RNF125: variants seen among roughly 807,000 people sequenced by gnomAD.
RNF125 encodes ring finger protein 125.
In RNF125, 21 loss-of-function variants were observed where a neutral mutation model predicts 26.0. That is an observed-to-expected ratio of 0.81 (90% CI 0.57 to 1.16). The LOEUF is 1.16. RNF125 is among the 50% of genes most tolerant of loss of function. The pLI is 0.00. For synonymous variants in RNF125, 95 were observed against 109.2 expected (o/e 0.87, Z 0.81); for missense variants, 270 against 299.4 (o/e 0.90, Z 0.72).
At chr18:32,032,081 T>G (rs1355250420) in intron 1 of RNF125, among the ~76,000 whole-genome samples, 1 of 151,734 alleles carries the variant, frequency 6.6e-6, no homozygotes, top group Non-Finnish European at 1.5e-5. Context: ...TGTATTTTTG[T>G]TTTGTTTTGT....
At chr18:32,065,410 G>T (rs1233382819) in intron 4 of RNF125, among the ~76,000 whole-genome samples, 2 of 151,026 alleles carry the variant, frequency 1.3e-5, no homozygotes, top group Non-Finnish European at 3.0e-5. Context: ...GCTAATTTTT[G>T]TATTTTTAGT....
At chr18:32,041,162 G>A (rs1047575491) in intron 2 of RNF125, among the ~76,000 whole-genome samples, 7 of 152,126 alleles carry the variant, frequency 4.6e-5, no homozygotes, top group Admixed American at 2.0e-4. Context: ...CATTTAATAG[G>A]ATGTGTGATG....
chr18:32,088,725 C>G, the RNF125 span, among the ~76,000 whole-genome samples: 1 of 152,132 alleles, frequency 6.6e-6, no homozygotes, highest in Non-Finnish European at 1.5e-5. Flanking sequence ...GTCACGAACT[C>G]CTGACCTCAA....
At chr18:32,047,575 T>G (rs1323376647) in intron 4 of RNF125, among the ~76,000 whole-genome samples, 4 of 152,200 alleles carry the variant, frequency 2.6e-5, no homozygotes, top group African/African-American at 9.6e-5. Flanking sequence ...TGACCATAAT[T>G]GGGAACATTT....
intron 1 of RNF125, among the ~76,000 whole-genome samples, chr18:32,034,851 G>A (rs1045603485): frequency 2.1e-5 from 3 of 145,046 alleles, no homozygotes; most frequent in Admixed American, 7.1e-5. Flanking sequence ...AGAGACGGAG[G>A]TTGCAGTGAG....
At chr18:32,084,124 C>T in the RNF125 span, among the ~76,000 whole-genome samples, 5 of 151,978 alleles carry the variant, frequency 3.3e-5, no homozygotes, top group African/African-American at 9.7e-5. Context: ...GGGAGGCCGA[C>T]GCAGGTGGAT....
intron 3 of RNF125, among the ~76,000 whole-genome samples, chr18:32,045,391 T>A (rs935292174): frequency 6.6e-6 from 1 of 151,434 alleles, no homozygotes; most frequent in Non-Finnish European, 1.5e-5. Context: ...AAACCCCATC[T>A]CTACTAAAAA....
intron 4 of RNF125, among the ~76,000 whole-genome samples, chr18:32,054,865 C>A (rs1403404332): frequency 6.6e-6 from 1 of 152,044 alleles, no homozygotes; most frequent in Admixed American, 6.6e-5. Flanking sequence ...GCCCTAGGAT[C>A]CTTTATTCCA....
chr18:32,074,822 C>T (rs201887277), downstream of RNF125, among the ~76,000 whole-genome samples: 3 of 152,184 alleles, frequency 2.0e-5, no homozygotes, highest in East Asian at 1.9e-4. Context: ...GGATTACAGG[C>T]GTGAGCCACC....
At position 32,041,620 on chromosome 18, in the gene RNF125, C is replaced by CTTTTTTTTTTTTTTTT. The variant is rs60264747; in HGVS notation, c.319-546_319-531dup. On this transcript the variant is annotated intron_variant, in intron 2 of 5. Coordinates refer to ENST00000217740, the MANE Select transcript of RNF125 (RefSeq NM_017831.4). ...CTATCTACTTTAAAAAATGTAGATGCTTTTTTTTTTTTTTTTTTTTTTTTT... is the reference window on the plus strand; with the variant it reads ...CTATCTACTTTAAAAAATGTAGATGCTTTTTTTTTTTTTTTTTTTTTTTTTTTTTTTTTTTTTTTTT... 5.4e-5 allele frequency among the ~76,000 whole-genome samples: 5 copies of CTTTTTTTTTTTTTTTT among 93,280 alleles called. 2 individuals are homozygous for CTTTTTTTTTTTTTTTT. Among genetic ancestry groups the CTTTTTTTTTTTTTTTT allele is most frequent in the Non-Finnish European group, 8.4e-5 (4 of 47,586 alleles). 61.2% of individuals were successfully genotyped at this position (93,280 alleles called of 152,430 possible). A position where few individuals can be genotyped will look rare whatever the true frequency, so the allele number is the denominator to read the frequency against.
the RNF125 span, among the ~76,000 whole-genome samples, chr18:32,080,832 C>T: frequency 6.6e-6 from 1 of 152,130 alleles, no homozygotes; most frequent in Non-Finnish European, 1.5e-5. Context: ...GCCAAGATGG[C>T]GCCACTGCAC....
intron 2 of RNF125, among the ~76,000 whole-genome samples, chr18:32,041,647 TTGA>T (rs1568198908): frequency 6.8e-5 from 6 of 88,658 alleles, no homozygotes; most frequent in East Asian, 2.7e-4. Flanking sequence ...TTTTTTTTTT[TTGA>T]GACGGAGTCT....
At chr18:32,074,178 A>C (rs754978744), downstream of RNF125, among the ~76,000 whole-genome samples, 2 of 152,192 alleles carry the variant, frequency 1.3e-5, no homozygotes, top group Non-Finnish European at 2.9e-5. Flanking sequence ...TCAGAATTCC[A>C]GGGTACTTTC....
At chr18:32,085,412 A>ATT in the RNF125 span, among the ~76,000 whole-genome samples, 1 of 141,760 alleles carries the variant, frequency 7.1e-6, no homozygotes, top group South Asian at 2.2e-4. Flanking sequence ...AGAGAGAGAG[A>ATT]GAGAAAGCTG....
Position 32,018,872 on chromosome 18 carries a change from C to T in RNF125, c.9C>T (p.Ser3=). The T allele has an allele frequency of 6.3e-7, 1 of 1,583,100 alleles. No homozygotes were observed. Among genetic ancestry groups the T allele is most frequent in the Non-Finnish European group, 8.6e-7 (1 of 1,165,324 alleles). MG[S]VLSTDSGKSA... is the part of the protein sequence containing the mutation. ...GGGCGAGAGGCACAGCGATGGGCTC[C>T]GTGCTGAGCACCGACAGCGGCAAAT... Residue 3 remains serine, a synonymous_variant, in exon 1 of 6, where the codon TCC becomes TCT. Transcript: ENST00000217740.
chr18:32,068,417 A>C lies in RNF125; in HGVS notation c.*33A>C, dbSNP rs147034251. On this transcript the variant is annotated 3_prime_UTR_variant, in exon 6 of 6. Transcript: ENST00000217740. The stretch of plus-strand genomic sequence containing the variant: ...AAAACGAAGGGAAAAGGGACCACTG[A>C]ATTGCACCATTTAAGATGCTGCTTG... 4.2e-5 allele frequency: 51 copies of C among 1,221,620 alleles called. No homozygotes were observed. In the African/African-American group the frequency reaches 7.2e-4, roughly 17 times the overall value. The allele number at this position is 1,221,620 out of a possible 1,614,324, so 75.7% of individuals were successfully genotyped here. A position where few individuals can be genotyped will look rare whatever the true frequency, so the allele number is the denominator to read the frequency against.
chr18:32,038,858 T>C (rs1357652247), intron 2 of RNF125, among the ~76,000 whole-genome samples: 4 of 151,868 alleles, frequency 2.6e-5, no homozygotes, highest in African/African-American at 9.7e-5. Flanking sequence ...CTCCACCTTC[T>C]GGGTTTAAGC....
At chr18:32,085,681 CAA>C in the RNF125 span, among the ~76,000 whole-genome samples, 222 of 79,662 alleles carry the variant, frequency 2.8e-3, 6 homozygotes, top group East Asian at 0.072. Context: ...GGTTGGGCAA[CAA>C]GAGTGAAACG....
At chr18:32,044,778 T>C (rs1475361469) in intron 3 of RNF125, among the ~76,000 whole-genome samples, 1 of 152,148 alleles carries the variant, frequency 6.6e-6, no homozygotes, top group Non-Finnish European at 1.5e-5. Flanking sequence ...TTCACTAGCA[T>C]ATAACTATGT....
Sources: allele counts gnomAD v4.1 joint callset (sites outside exome capture counted in the v4.1 genomes callset), GRCh38; gene constraint gnomAD v4.1.1; transcripts MANE v1.5; gene names NCBI Gene and HGNC (gene_info 2026-07-23, HGNC 2026-07-21).